Variants in TRHDE observed in about 807,000 individuals in gnomAD.
TRHDE encodes thyrotropin releasing hormone degrading enzyme, also known as thyrotropin-releasing hormone-degrading ectoenzyme.
A neutral mutation model predicts 125.7 loss-of-function variants in TRHDE; 72 were observed. The observed-to-expected ratio is 0.57, with a 90% CI of 0.47 to 0.70. TRHDE has a LOEUF of 0.70. TRHDE is among the 30% of genes least tolerant of loss of function. The pLI is 0.00. For missense variants in TRHDE, 1,110 were observed against 1,327.1 expected (o/e 0.84, Z 2.54); for synonymous variants, 509 against 509.1 (o/e 1.00, Z 0.00).
At position 72,265,580 on chromosome 12, in the gene TRHDE, C is replaced by T. The variant is rs140595967; in HGVS notation, n.280-112415C>T. Among the ~76,000 whole-genome samples, 681 of 149,650 alleles carry T rather than the reference C, an allele frequency of 4.6e-3. 9 individuals are homozygous for T. Among genetic ancestry groups the T allele is most frequent in the African/African-American group, 0.015 (626 of 40,620 alleles). ...AAAAAAAGAGCTATTTTTCAGTTCA[C>T]GATTAAGAAAATATATTATTTATGT... On this transcript the variant is annotated intron_variant and non_coding_transcript_variant, in intron 2 of 4. Transcript: ENST00000548156.
chr12:72,187,052 T>C (rs1877231603), intron 2 of TRHDE, among the ~76,000 whole-genome samples: 1 of 152,122 alleles, frequency 6.6e-6, no homozygotes, highest in Non-Finnish European at 1.5e-5. Flanking sequence ...TATCATCATG[T>C]ACTAAGTAGT....
At chr12:72,335,324 C>G (rs1565702902) in intron 2 of TRHDE, among the ~76,000 whole-genome samples, 1 of 152,122 alleles carries the variant, frequency 6.6e-6, no homozygotes, top group Non-Finnish European at 1.5e-5. Context: ...GAAGACCATT[C>G]CTTGAACTGC....
chr12:72,553,212 A>G (rs935345039), intron 7 of TRHDE, among the ~76,000 whole-genome samples: 5 of 152,136 alleles, frequency 3.3e-5, no homozygotes, highest in African/African-American at 1.2e-4. Context: ...TCAGCTTTTC[A>G]ATGGCATGAT....
intron 3 of TRHDE, among the ~76,000 whole-genome samples, chr12:72,429,824 A>G (rs1874367241): frequency 6.6e-6 from 1 of 152,072 alleles, no homozygotes; most frequent in Non-Finnish European, 1.5e-5. Flanking sequence ...TCTTTGGAGA[A>G]ATATTTATTC....
chr12:72,444,730 C>A (rs953395261), intron 3 of TRHDE, among the ~76,000 whole-genome samples: 1 of 151,760 alleles, frequency 6.6e-6, no homozygotes, highest in Non-Finnish European at 1.5e-5. Flanking sequence ...TAAGAAATGT[C>A]TGTTAGTGAA....
rs1235527656 is a variant in TRHDE, at chr12:72,380,231, A to G, written c.1315+2110A>G. Among the ~76,000 whole-genome samples, 3 of 152,292 alleles carry G rather than the reference A, an allele frequency of 2.0e-5. No individual in the cohort carries two copies. In the South Asian group the frequency reaches 6.2e-4, roughly 32 times the overall value. ...GAGTGCCTACCGTGGACATTTTTCT[A>G]TGAGAAGCAGATATACCAGTGAATG... On this transcript the variant is annotated intron_variant, in intron 3 of 18. Transcript: ENST00000261180.
intron 2 of TRHDE, among the ~76,000 whole-genome samples, chr12:72,248,719 T>C (rs1878624723): frequency 1.3e-5 from 2 of 152,154 alleles, no homozygotes; most frequent in South Asian, 4.1e-4. Context: ...GCAAAACCTA[T>C]TGAGCTGTGA....
chr12:72,135,591 G>A (rs1192607916), intron 2 of TRHDE, among the ~76,000 whole-genome samples: 1 of 151,210 alleles, frequency 6.6e-6, no homozygotes, highest in Non-Finnish European at 1.5e-5. Context: ...TAAATAAAAG[G>A]ACTAGGGAAA....
rs1434163739 is a variant in TRHDE, at chr12:72,669,633, G to A, written c.*6438G>A. 3 of 151,658 alleles carry A rather than the reference G, an allele frequency of 2.0e-5. No homozygotes were observed. The highest frequency in any genetic ancestry group is 7.2e-5 in the African/African-American group (3 of 41,382). The allele number at this position is 151,658 out of a possible 1,614,324, so 9.4% of individuals were successfully genotyped here. A position where few individuals can be genotyped will look rare whatever the true frequency, so the allele number is the denominator to read the frequency against. On this transcript the variant is annotated 3_prime_UTR_variant, in exon 19 of 19. Coordinates refer to ENST00000261180, the MANE Select transcript of TRHDE (RefSeq NM_013381.3). ...ACAATTTTGTTCCCACCTTTACATA[G>A]CGTATGACCTACTCAGTGAGAACAT...
chr12:72,113,470 C>T (rs974457495), intron 2 of TRHDE, among the ~76,000 whole-genome samples: 7 of 151,438 alleles, frequency 4.6e-5, no homozygotes, highest in Non-Finnish European at 7.4e-5. Context: ...GCAAAAAATA[C>T]GTAGTTTTAT....
intron 6 of TRHDE, among the ~76,000 whole-genome samples, chr12:72,501,103 T>C (rs968164388): frequency 3.3e-5 from 5 of 152,100 alleles, no homozygotes; most frequent in Non-Finnish European, 7.4e-5. Flanking sequence ...ATATTTTTTT[T>C]CAGATTTATC....
At position 72,406,549 on chromosome 12, in the gene TRHDE, C is replaced by T. The variant is rs539674400; in HGVS notation, c.1315+28428C>T. ...TGGTGAGGGTGAATTTTTTTCTTCTCCTAAGGGAGAGATTCTCTTAAGTTT... is the reference window on the plus strand; with the variant it reads ...TGGTGAGGGTGAATTTTTTTCTTCTTCTAAGGGAGAGATTCTCTTAAGTTT... On this transcript the variant is annotated intron_variant, in intron 3 of 18. Transcript: ENST00000261180. Among the ~76,000 whole-genome samples, 7 of 152,138 alleles carry T rather than the reference C, an allele frequency of 4.6e-5. No homozygotes were observed. In the South Asian group the frequency reaches 1.5e-3, roughly 32 times the overall value.
At chr12:72,156,396 A>G (rs1233278883) in intron 2 of TRHDE, among the ~76,000 whole-genome samples, 1 of 152,142 alleles carries the variant, frequency 6.6e-6, no homozygotes, top group Non-Finnish European at 1.5e-5. Flanking sequence ...CACTGCACCC[A>G]CTGTCCTACA....
chr12:72,427,994 T>G (rs989072143), intron 3 of TRHDE, among the ~76,000 whole-genome samples: 2 of 152,150 alleles, frequency 1.3e-5, no homozygotes, highest in Admixed American at 1.3e-4. Flanking sequence ...GTGACCTGTT[T>G]TATAAAACTC....
At chr12:72,518,954 A>T (rs1879030059) in intron 6 of TRHDE, among the ~76,000 whole-genome samples, 1 of 152,086 alleles carries the variant, frequency 6.6e-6, no homozygotes, top group South Asian at 2.1e-4. Flanking sequence ...TCTTTTCTTT[A>T]AGAATGTTGA....
At position 72,664,601 on chromosome 12, in the gene TRHDE, T is replaced by C. The variant is rs974233333; in HGVS notation, c.*1406T>C. On this transcript the variant is annotated 3_prime_UTR_variant, in exon 19 of 19. Coordinates refer to ENST00000261180, the MANE Select transcript of TRHDE (RefSeq NM_013381.3). The stretch of plus-strand genomic sequence containing the variant: ...GCCAGCTCTCCAAACGTTGCTTAGA[T>C]GCTTCAAAATTAGCATATTTTAAGT... 4 of 152,140 alleles carry C rather than the reference T, an allele frequency of 2.6e-5. No individual in the cohort carries two copies. The highest frequency in any genetic ancestry group is 4.4e-5 in the Non-Finnish European group (3 of 68,012). 9.4% of individuals were successfully genotyped at this position (152,140 alleles called of 1,614,324 possible).
Position 72,663,369 on chromosome 12 carries a change from T to C in TRHDE, c.*174T>C. ...GGTTTTGGGGGATATTTTTTATTTG[T>C]TTCATTCATTCTGTTCTGTTTCTCT... On this transcript the variant is annotated 3_prime_UTR_variant, in exon 19 of 19. Transcript: ENST00000261180. 1 of 491,478 alleles carries C rather than the reference T, an allele frequency of 2.0e-6. No individual in the cohort carries two copies. The highest frequency in any genetic ancestry group is 3.5e-6 in the Non-Finnish European group (1 of 283,938). 30.4% of individuals were successfully genotyped at this position (491,478 alleles called of 1,614,324 possible). A position where few individuals can be genotyped will look rare whatever the true frequency, so the allele number is the denominator to read the frequency against.
intron 3 of TRHDE, among the ~76,000 whole-genome samples, chr12:72,453,956 G>T (rs1184660961): frequency 6.6e-6 from 1 of 152,188 alleles, no homozygotes; most frequent in African/African-American, 2.4e-5. Flanking sequence ...GTGTCATAAA[G>T]CTTCCAAGAA....
intron 3 of TRHDE, among the ~76,000 whole-genome samples, chr12:72,386,854 T>C (rs1348862490): frequency 1.3e-5 from 2 of 152,230 alleles, no homozygotes; most frequent in African/African-American, 4.8e-5. Context: ...GTTTTTCATT[T>C]GTCTTTCAGG....
Sources: gnomAD v4.1 joint callset for allele counts (sites outside exome capture counted in the v4.1 genomes callset) on GRCh38, gnomAD v4.1.1 for gene constraint, MANE v1.5 for transcripts, NCBI Gene and HGNC (gene_info 2026-07-23, HGNC 2026-07-21) for gene names.